VARS2: variants seen among roughly 807,000 people sequenced by gnomAD.
VARS2 encodes the protein valyl-tRNA synthetase 2, mitochondrial, also known as valine--tRNA ligase, mitochondrial.
In VARS2, 105 loss-of-function variants were observed where a neutral mutation model predicts 154.1. The ratio of observed to expected loss-of-function variants is 0.68; its 90% CI spans 0.58 to 0.80. The LOEUF (loss-of-function observed/expected upper bound fraction) is 0.80. Among genes scored for constraint, VARS2 ranks in the 30% least tolerant of loss-of-function variants. VARS2 has a pLI of 0.00. For missense variants in VARS2, 1,157 were observed against 1,361.4 expected (o/e 0.85, Z 2.36); for synonymous variants, 483 against 539.5 (o/e 0.90, Z 1.45).
At position 30,915,992 on chromosome 6, in the gene VARS2, G is replaced by A. The variant is rs767892326; in HGVS notation, c.518G>A (p.Arg173His). The change falls in exon 6 of 30, where the codon CGT (arginine) becomes CAT (histidine). Residue 173 changes from arginine to histidine, a missense_variant. Arg to His is a conservative substitution (Grantham distance 29, BLOSUM62 0). Transcript: ENST00000676266. ...CATTTTTGTTGCAGGCACCGGATGC[G>A]TGGGGATCAAGTGCTGTGGGTCCCT... ...QDALVRWHRM[R>H]GDQVLWVPGS... 23 of 1,613,932 alleles carry A rather than the reference G, an allele frequency of 1.4e-5. No homozygotes were observed. The highest frequency in any genetic ancestry group is 1.7e-5 in the Non-Finnish European group (20 of 1,179,910).
At position 30,919,684 on chromosome 6, in the gene VARS2, G is replaced by T. The variant is rs1794384870; in HGVS notation, c.1075-74G>T. 1 of 1,186,168 alleles carries T rather than the reference G, an allele frequency of 8.4e-7. No individual in the cohort carries two copies. 73.5% of individuals were successfully genotyped at this position (1,186,168 alleles called of 1,614,324 possible). A position where few individuals can be genotyped will look rare whatever the true frequency, so the allele number is the denominator to read the frequency against. ...CCACTTTCTACCTTCTTATTCCTGG[G>T]GTTCTCACGCCCCAGCCCAGACCCT... On this transcript the variant is annotated intron_variant, in intron 11 of 29. Transcript: ENST00000676266. The surrounding 1 kb of genome is among the most constrained non-coding windows in gnomAD (Gnocchi z 4.5).
In VARS2 at chr6:30,915,730, T is replaced by G; in HGVS notation, c.385-16T>G. 1 of 1,612,512 alleles carries G rather than the reference T, an allele frequency of 6.2e-7. No homozygotes were observed. Among genetic ancestry groups the G allele is most frequent in the Non-Finnish European group, 8.5e-7 (1 of 1,179,618 alleles). ...CCAATTCTCTCTTGCCCCTTTGACT[T>G]TTTTTCTTCCTCTAGGCCCGGCTGC... On this transcript the variant is annotated splice_polypyrimidine_tract_variant and intron_variant, in intron 4 of 29. Transcript: ENST00000676266.
At chr6:30,923,554 C>T in intron 25 of VARS2, 49 bp downstream of exon 25, 2 of 1,579,246 alleles carry the variant, frequency 1.3e-6, no homozygotes, top group East Asian at 2.3e-5. Context: ...GCTTCTAATT[C>T]CTCTGGAAAT....
chr6:30,926,062 G>C, intron 29 of VARS2, 47 bp from the exon 30 acceptor site: 22 of 1,613,018 alleles, frequency 1.4e-5, no homozygotes, highest in Non-Finnish European at 1.9e-5. Flanking sequence ...ATGTGGGCCA[G>C]GAGGGGCCTC....
intron 20 of VARS2, 57 bp from the exon 21 acceptor site, chr6:30,922,393 G>A: frequency 6.2e-7 from 1 of 1,608,394 alleles, no homozygotes; most frequent in Non-Finnish European, 8.5e-7. Flanking sequence ...ATGGAGGCCA[G>A]AGATCCCAAG....
intron 1 of VARS2, chr6:30,914,582 G>A: frequency 7.8e-7 from 1 of 1,284,420 alleles, no homozygotes; most frequent in Non-Finnish European, 1.0e-6. Context: ...GGTCACCGCC[G>A]AATCCAGACA....
chr6:30,924,441 C>T lies in VARS2; in HGVS notation c.2554C>T (p.Leu852Phe). 1 of 1,612,806 alleles carries T rather than the reference C, an allele frequency of 6.2e-7. No individual in the cohort carries two copies. Among genetic ancestry groups the T allele is most frequent in the African/African-American group, 1.3e-5 (1 of 75,058 alleles). ...LFSCADLGLR[L>F]LAPLMPFLAE... Reference sequence around the variant, plus strand: ...CTCCTGCGCTGACCTCGGCCTCCGCCTCCTGGCCCCACTGATGCCCTTCCT... The same window carrying T: ...CTCCTGCGCTGACCTCGGCCTCCGCTTCCTGGCCCCACTGATGCCCTTCCT... Residue 852 changes from leucine (L) to phenylalanine (F), a missense_variant, in exon 26 of 30, where the codon CTC (leucine) becomes TTC (phenylalanine). Transcript: ENST00000676266.
intron 1 of VARS2, 132 bp from the exon 2 acceptor site, chr6:30,914,678 A>T: frequency 8.9e-7 from 1 of 1,119,084 alleles, no homozygotes; most frequent in Non-Finnish European, 1.2e-6. Context: ...CTCAAGGAGG[A>T]AAGGTTTTGT....
At chr6:30,918,078 GTTT>G (rs1794289895) in intron 10 of VARS2, among the ~76,000 whole-genome samples, 1 of 152,054 alleles carries the variant, frequency 6.6e-6, no homozygotes, top group Non-Finnish European at 1.5e-5. Flanking sequence ...TTGTTTGTTT[GTTT>G]GTTTTGAGAC....
rs1202101069 is a variant in VARS2 at position 30,914,313 on chromosome 6, G to C, written c.-59G>C. 3 of 1,148,938 alleles carry C rather than the reference G, an allele frequency of 2.6e-6. No homozygotes were observed. The highest frequency in any genetic ancestry group is 3.3e-6 in the Non-Finnish European group (3 of 909,018). The allele number at this position is 1,148,938 out of a possible 1,614,324, so 71.2% of individuals were successfully genotyped here. A position where few individuals can be genotyped will look rare whatever the true frequency, so the allele number is the denominator to read the frequency against. On this transcript the variant is annotated 5_prime_UTR_variant, in exon 1 of 30. Coordinates refer to ENST00000676266, the MANE Select transcript of VARS2 (RefSeq NM_020442.6). The stretch of plus-strand genomic sequence containing the variant: ...TGGATTCCTCAGTCCCTGCCGCCGC[G>C]GGGCGCCCTGGGATAGCGGCGGGGC...
At chr6:30,914,370 G>C (rs1323498991) in intron 1 of VARS2, 26 bp downstream of exon 1, 5 of 1,248,610 alleles carry the variant, frequency 4.0e-6, no homozygotes, top group Non-Finnish European at 5.0e-6. Context: ...GGCGGCCTCC[G>C]GGAAGTGGGA....
Position 30,920,844 on chromosome 6 carries a change from T to G in VARS2, c.1479+95T>G. 2 of 1,186,838 alleles carry G rather than the reference T, an allele frequency of 1.7e-6. No individual in the cohort carries two copies. The highest frequency in any genetic ancestry group is 3.1e-5 in the South Asian group (2 of 64,432). 73.5% of individuals were successfully genotyped at this position (1,186,838 alleles called of 1,614,324 possible). A position where few individuals can be genotyped will look rare whatever the true frequency, so the allele number is the denominator to read the frequency against. On this transcript the variant is annotated intron_variant, in intron 15 of 29. Coordinates refer to ENST00000676266, the MANE Select transcript of VARS2 (RefSeq NM_020442.6). The surrounding 1 kb of genome is among the most constrained non-coding windows in gnomAD (Gnocchi z 4.6). The stretch of plus-strand genomic sequence containing the variant: ...ATGGGAAGCAGGAGACCTCCTGCCC[T>G]GAAGACCTCTCCAGCTGTGGTAACT...
In VARS2 at chr6:30,914,268, C is replaced by G. The variant is rs986140335; in HGVS notation, c.-104C>G. On this transcript the variant is annotated 5_prime_UTR_variant, in exon 1 of 30. Transcript: ENST00000676266. ...CATGCGCCGCGCGGCTCCAGGGCCA[C>G]GTTCCAGGGTCGGGTTTGGTGGATT... 4.6e-6 allele frequency: 4 copies of G among 870,890 alleles called. No individual in the cohort carries two copies. The highest frequency in any genetic ancestry group is 6.1e-6 in the Non-Finnish European group (4 of 655,790). 53.9% of individuals were successfully genotyped at this position (870,890 alleles called of 1,614,324 possible).
Position 30,921,152 on chromosome 6 carries a change from G to C in VARS2, c.1556+11G>C. 1 of 1,613,982 alleles carries C rather than the reference G, an allele frequency of 6.2e-7. No homozygotes were observed. Among genetic ancestry groups the C allele is most frequent in the Non-Finnish European group, 8.5e-7 (1 of 1,179,918 alleles). Reference sequence around the variant, plus strand: ...GTTTTCCCATATTGGGTAAGGGTAGGGTAAGGGGAGCTCTTGTGGAGATGG... The same window carrying C: ...GTTTTCCCATATTGGGTAAGGGTAGCGTAAGGGGAGCTCTTGTGGAGATGG... On this transcript the variant is annotated intron_variant, in intron 16 of 29. Coordinates refer to ENST00000676266, the MANE Select transcript of VARS2 (RefSeq NM_020442.6). This position sits in a 1 kb window ranked among gnomAD's most constrained non-coding sequence, Gnocchi z 4.6.
Position 30,922,987 on chromosome 6 carries a change from G to A in VARS2, c.2185+11G>A. The A allele has an allele frequency of 1.9e-6, 3 of 1,607,578 alleles. No homozygotes were observed. Among genetic ancestry groups the A allele is most frequent in the Middle Eastern group, 1.7e-4 (1 of 6,054 alleles). ...CCCATGGAGTTCAGGGTAAGCCTGG[G>A]CGAGGGGTGTCGGGGTGAGCAGAGG... On this transcript the variant is annotated intron_variant, in intron 23 of 29. Coordinates refer to ENST00000676266, the MANE Select transcript of VARS2 (RefSeq NM_020442.6).
Position 30,926,090 on chromosome 6 carries a change from T to C in VARS2, c.3091-19T>C. 6.2e-7 allele frequency: 1 copy of C among 1,612,990 alleles called. No individual in the cohort carries two copies. On this transcript the variant is annotated intron_variant, in intron 29 of 29. Transcript: ENST00000676266. ...GGGGCCTCATTCCTGGATCCTCACCTCCTTTTCTCCTCGTCCAGCTTTCTT... is the reference window on the plus strand; with the variant it reads ...GGGGCCTCATTCCTGGATCCTCACCCCCTTTTCTCCTCGTCCAGCTTTCTT...
In VARS2 at chr6:30,919,376, G is replaced by A. The variant is rs1276181759; in HGVS notation, c.1075-382G>A. Reference sequence around the variant, plus strand: ...TTAAGTAATGTTATTTAGTAGAGACGGAGTGTCACTGTGTTAGCCAGGATA... The same window carrying A: ...TTAAGTAATGTTATTTAGTAGAGACAGAGTGTCACTGTGTTAGCCAGGATA... On this transcript the variant is annotated intron_variant, in intron 11 of 29. Transcript: ENST00000676266. The surrounding 1 kb of genome is among the most constrained non-coding windows in gnomAD (Gnocchi z 4.5). The A allele has an allele frequency of 5.5e-5, 11 of 200,756 alleles. No homozygotes were observed. The highest frequency in any genetic ancestry group is 5.0e-5 in the Non-Finnish European group (5 of 100,196). The allele number at this position is 200,756 out of a possible 1,614,324, so 12.4% of individuals were successfully genotyped here.
chr6:30,914,788 G>T, intron 1 of VARS2, 22 bp from the exon 2 acceptor site: 1 of 1,601,718 alleles, frequency 6.2e-7, no homozygotes, highest in South Asian at 1.1e-5. Flanking sequence ...ATCCTAATGT[G>T]CTCTCTCTCT....
intron 1 of VARS2, 174 bp downstream of exon 1, chr6:30,914,518 C>T (rs781498363): frequency 4.5e-6 from 6 of 1,339,802 alleles, no homozygotes; most frequent in Non-Finnish European, 5.7e-6. Flanking sequence ...CTCTTGGGCG[C>T]GCTGATGCCC....
Sources: gnomAD v4.1 joint callset for allele counts (sites outside exome capture counted in the v4.1 genomes callset) on GRCh38, gnomAD v4.1.1 for gene constraint, Gnocchi (gnomAD v3.1) non-coding constraint, MANE v1.5 for transcripts, NCBI Gene and HGNC (gene_info 2026-07-23, HGNC 2026-07-21) for gene names.